Variants in BCAS3 observed in about 807,000 individuals in gnomAD.
BCAS3 encodes the protein BCAS3 microtubule associated cell migration factor.
Under a neutral mutation model 116.1 loss-of-function variants are expected in BCAS3, and 53 were observed. The ratio of observed to expected loss-of-function variants is 0.46; its 90% CI spans 0.37 to 0.57. The LOEUF is 0.57. BCAS3 is among the 20% of genes least tolerant of loss of function. The pLI, the probability that BCAS3 is intolerant of heterozygous loss-of-function variation, is 0.00. For synonymous variants in BCAS3, 391 were observed against 408.2 expected (o/e 0.96, Z 0.51); for missense variants, 917 against 1,165.4 (o/e 0.79, Z 3.10).
At chr17:60,701,930 TGCCAGTGCACTCCA>T (rs2036467642) in intron 4 of BCAS3, among the ~76,000 whole-genome samples, 1 of 151,942 alleles carries the variant, frequency 6.6e-6, no homozygotes, top group African/African-American at 2.4e-5. Context: ...GCCAAGATTG[TGCCAGTGCACTCCA>T]GCCTGGGTGA....
chr17:61,391,870 CAAGTG>C lies in BCAS3; in HGVS notation c.2594-104_2594-100del. The stretch of plus-strand genomic sequence containing the variant: ...GCGGGGATCCCCCTGCGGAAGGACA[CAAGTG>C]AACCCAGAATGGTGCCTCAAGGCAG... On this transcript the variant is annotated intron_variant, in intron 23 of 23. Coordinates refer to ENST00000407086, the MANE Select transcript of BCAS3 (RefSeq NM_017679.5). This position sits in a 1 kb window ranked among gnomAD's most constrained non-coding sequence, Gnocchi z 7.7. 1 of 1,258,632 alleles carries C rather than the reference CAAGTG, an allele frequency of 7.9e-7. No homozygotes were observed. Among genetic ancestry groups the C allele is most frequent in the Non-Finnish European group, 1.1e-6 (1 of 900,528 alleles). The allele number at this position is 1,258,632 out of a possible 1,614,324, so 78.0% of individuals were successfully genotyped here.
chr17:61,274,281 A>ATTTTTTT (rs780529516), intron 22 of BCAS3, among the ~76,000 whole-genome samples: 4 of 96,236 alleles, frequency 4.2e-5, no homozygotes, highest in African/African-American at 4.2e-5. Context: ...AAATCTTTGA[A>ATTTTTTT]TTTTTTTTTT....
intron 22 of BCAS3, among the ~76,000 whole-genome samples, chr17:61,123,810 G>A (rs1428472218): frequency 1.3e-5 from 2 of 152,062 alleles, no homozygotes; most frequent in Admixed American, 6.6e-5. Context: ...GATTCTCATT[G>A]GCATATATGC....
At position 60,995,143 on chromosome 17, in the gene BCAS3, A is replaced by AATTCT. The variant is rs1298471552; in HGVS notation, c.1486+4919_1486+4923dup. On this transcript the variant is annotated intron_variant, in intron 15 of 23. Coordinates refer to ENST00000407086, the MANE Select transcript of BCAS3 (RefSeq NM_017679.5). This position sits in a 1 kb window ranked among gnomAD's most constrained non-coding sequence, Gnocchi z 4.7. ...CAGGTGCGTGCCACCATGCCCAGCT[A>AATTCT]ATTCTATTCTATTCTTTTCTTTTCT... Among the ~76,000 whole-genome samples the AATTCT allele has an allele frequency of 2.6e-5, 4 of 151,730 alleles. No individual in the cohort carries two copies. The highest frequency in any genetic ancestry group is 5.9e-5 in the Non-Finnish European group (4 of 67,950).
intron 7 of BCAS3, among the ~76,000 whole-genome samples, chr17:60,812,695 A>G (rs147381476): frequency 2.9e-3 from 443 of 152,232 alleles, no homozygotes; most frequent in Non-Finnish European, 4.5e-3. Context: ...ACATACATAC[A>G]TATATACATA....
At chr17:61,298,485 T>C (rs1181016586) in intron 22 of BCAS3, among the ~76,000 whole-genome samples, 1 of 152,228 alleles carries the variant, frequency 6.6e-6, no homozygotes, top group Non-Finnish European at 1.5e-5. Context: ...GTGGAAACTC[T>C]TCCAAATGCC....
chr17:61,335,709 C>T (rs916985600), intron 22 of BCAS3, among the ~76,000 whole-genome samples: 2 of 152,178 alleles, frequency 1.3e-5, no homozygotes, highest in Non-Finnish European at 2.9e-5. Flanking sequence ...AAAGCAAGAC[C>T]CCATCTCTAG....
intron 6 of BCAS3, among the ~76,000 whole-genome samples, chr17:60,801,015 T>G (rs1307562387): frequency 2.0e-5 from 3 of 152,166 alleles, no homozygotes; most frequent in Non-Finnish European, 2.9e-5. Context: ...ATTTTCTTCT[T>G]TTGTTAAACT....
chr17:61,336,841 G>C (rs947112752), intron 22 of BCAS3, among the ~76,000 whole-genome samples: 2 of 152,142 alleles, frequency 1.3e-5, no homozygotes, highest in African/African-American at 4.8e-5. Context: ...GGCCAGGCGT[G>C]GTGGCTCACA....
chr17:60,710,153 G>A (rs993806772), intron 5 of BCAS3, among the ~76,000 whole-genome samples: 2 of 152,126 alleles, frequency 1.3e-5, no homozygotes, highest in Admixed American at 1.3e-4. Context: ...TTCTTTTGCA[G>A]TCGGAGGCTC....
chr17:61,116,883 A>G (rs1380280188), intron 22 of BCAS3, among the ~76,000 whole-genome samples: 1 of 152,140 alleles, frequency 6.6e-6, no homozygotes, highest in Non-Finnish European at 1.5e-5. Context: ...CCATATAGGT[A>G]AAGTGCCATT....
intron 22 of BCAS3, among the ~76,000 whole-genome samples, chr17:61,158,442 A>G (rs1430788394): frequency 6.6e-6 from 1 of 152,210 alleles, no homozygotes; most frequent in Non-Finnish European, 1.5e-5. Context: ...CTAAAAATCA[A>G]GTTGGACCAA....
chr17:60,941,424 A>AG (rs1468087154), intron 13 of BCAS3, among the ~76,000 whole-genome samples: 1 of 152,170 alleles, frequency 6.6e-6, no homozygotes, highest in Non-Finnish European at 1.5e-5. Context: ...GTTTTCTAGA[A>AG]GAAAAAAAAG....
chr17:61,034,636 T>C lies in BCAS3; in HGVS notation c.1638-30T>C, dbSNP rs954811218. 3 of 1,568,178 alleles carry C rather than the reference T, an allele frequency of 1.9e-6. No homozygotes were observed. The highest frequency in any genetic ancestry group is 2.6e-6 in the Non-Finnish European group (3 of 1,146,410). ...AAGGAGTATCATTTCATCATGATAA[T>C]TGTTTTTTACTCTTATTTTATTTTT... On this transcript the variant is annotated intron_variant, in intron 16 of 23. Coordinates refer to ENST00000407086, the MANE Select transcript of BCAS3 (RefSeq NM_017679.5). The surrounding 1 kb of genome is among the most constrained non-coding windows in gnomAD (Gnocchi z 5.0).
intron 5 of BCAS3, among the ~76,000 whole-genome samples, chr17:60,713,874 C>T (rs2038226471): frequency 6.6e-6 from 1 of 152,154 alleles, no homozygotes; most frequent in African/African-American, 2.4e-5. Context: ...CACGCTGTTG[C>T]CCAGGCTGGA....
At chr17:60,770,060 A>C (rs1007733055) in intron 6 of BCAS3, among the ~76,000 whole-genome samples, 1 of 152,044 alleles carries the variant, frequency 6.6e-6, no homozygotes, top group Non-Finnish European at 1.5e-5. Context: ...GGTGTGAGCC[A>C]CCATTCCCAG....
At chr17:60,820,348 G>T (rs368270369) in intron 7 of BCAS3, among the ~76,000 whole-genome samples, 1 of 152,204 alleles carries the variant, frequency 6.6e-6, no homozygotes, top group East Asian at 1.9e-4. Flanking sequence ...CCCAGCCGAC[G>T]GTGGGGCATC....
chr17:61,290,988 G>A (rs1010363024), intron 22 of BCAS3, among the ~76,000 whole-genome samples: 42 of 152,040 alleles, frequency 2.8e-4, no homozygotes, highest in Admixed American at 2.1e-3. Context: ...CACCATGTTA[G>A]CCAGGATGAT....
chr17:60,841,533 C>A (rs2051910318), intron 7 of BCAS3, among the ~76,000 whole-genome samples: 1 of 147,284 alleles, frequency 6.8e-6, no homozygotes, highest in African/African-American at 2.7e-5. Context: ...GTGCCCGCCA[C>A]CACACCTGGC....
Sources: allele counts gnomAD v4.1 joint callset (sites outside exome capture counted in the v4.1 genomes callset), GRCh38; gene constraint gnomAD v4.1.1; non-coding constraint Gnocchi (gnomAD v3.1); transcripts MANE v1.5; gene names NCBI Gene and HGNC (gene_info 2026-07-23, HGNC 2026-07-21).